Variants in GRM1 observed in about 807,000 individuals in gnomAD.
GRM1 encodes metabotropic glutamate receptor 1.
Under a neutral mutation model 90.9 loss-of-function variants are expected in GRM1, and 33 were observed. The ratio of observed to expected loss-of-function variants is 0.36; its 90% CI spans 0.28 to 0.49. GRM1 has a LOEUF of 0.49. GRM1 is among the 20% of genes least tolerant of loss of function. The pLI is 0.99. For missense variants in GRM1, 1,190 were observed against 1,534.3 expected, an observed-to-expected ratio of 0.78 and a Z score of 3.75; for synonymous variants, 700 against 613.2, an observed-to-expected ratio of 1.14 and a Z score of -2.09.
At chr6:146,109,454 G>A (rs1485108256) in intron 1 of GRM1, among the ~76,000 whole-genome samples, 2 of 152,196 alleles carry the variant, frequency 1.3e-5, no homozygotes, top group Non-Finnish European at 2.9e-5. Context: ...AAGAACTGAG[G>A]TTTGGGAACC....
At chr6:146,317,442 A>C (rs1014800335) in intron 3 of GRM1, among the ~76,000 whole-genome samples, 2 of 152,154 alleles carry the variant, frequency 1.3e-5, no homozygotes, top group Non-Finnish European at 2.9e-5. Context: ...CCCTGGTCAC[A>C]GTTTCTTTGC....
At chr6:146,396,951 A>C (rs938190529) in intron 6 of GRM1, among the ~76,000 whole-genome samples, 1 of 152,194 alleles carries the variant, frequency 6.6e-6, no homozygotes, top group African/African-American at 2.4e-5. Flanking sequence ...GGACAACTAC[A>C]TAAATTCAGC....
intron 2 of GRM1, among the ~76,000 whole-genome samples, chr6:146,204,862 T>C (rs1204527227): frequency 6.6e-6 from 1 of 152,164 alleles, no homozygotes; most frequent in Non-Finnish European, 1.5e-5. Context: ...GCAGGGGCCT[T>C]ATTTTCAGCC....
intron 1 of GRM1, among the ~76,000 whole-genome samples, chr6:146,066,813 T>C (rs1264537304): frequency 6.6e-6 from 1 of 151,936 alleles, no homozygotes; most frequent in Non-Finnish European, 1.5e-5. Context: ...AAATGCATAG[T>C]AAATATGCCT....
intron 1 of GRM1, among the ~76,000 whole-genome samples, chr6:146,116,435 T>C (rs1423359186): frequency 6.6e-6 from 1 of 152,232 alleles, no homozygotes; most frequent in Admixed American, 6.5e-5. Context: ...ATGATCATTA[T>C]ATTTCTAGAA....
At chr6:146,030,248 T>C in intron 1 of GRM1, 31 bp downstream of exon 1, 2 of 1,460,236 alleles carry the variant, frequency 1.4e-6, no homozygotes, top group Non-Finnish European at 1.9e-6. Flanking sequence ...AGAAGGGTAC[T>C]GAGAAAGTCA....
At chr6:146,228,999 T>A (rs1238076608) in intron 2 of GRM1, among the ~76,000 whole-genome samples, 1 of 152,124 alleles carries the variant, frequency 6.6e-6, no homozygotes, top group Non-Finnish European at 1.5e-5. Flanking sequence ...ATTTTTAGTA[T>A]GAGGGTGAGG....
chr6:146,305,500 A>AG (rs1783544522), intron 3 of GRM1, among the ~76,000 whole-genome samples: 1 of 152,146 alleles, frequency 6.6e-6, no homozygotes, highest in Non-Finnish European at 1.5e-5. Context: ...GAAAACTGTA[A>AG]CTTTTATGAG....
chr6:146,047,328 C>A (rs1023057442), intron 1 of GRM1, among the ~76,000 whole-genome samples: 2 of 151,848 alleles, frequency 1.3e-5, no homozygotes, highest in African/African-American at 4.8e-5. Flanking sequence ...TAGAAAGCGA[C>A]ACCTTTGCAA....
At chr6:146,110,316 G>C (rs571158557) in intron 1 of GRM1, among the ~76,000 whole-genome samples, 1 of 152,252 alleles carries the variant, frequency 6.6e-6, no homozygotes, top group Middle Eastern at 3.4e-3. Flanking sequence ...TCTCATGATA[G>C]TGAATGAGTC....
At chr6:146,227,282 C>T (rs905950446) in intron 2 of GRM1, among the ~76,000 whole-genome samples, 8 of 151,946 alleles carry the variant, frequency 5.3e-5, no homozygotes, top group African/African-American at 1.9e-4. Flanking sequence ...TGCTTTCTGG[C>T]CCCACTTTCA....
intron 2 of GRM1, among the ~76,000 whole-genome samples, chr6:146,186,198 G>A (rs1481238411): frequency 1.3e-5 from 2 of 149,942 alleles, no homozygotes; most frequent in African/African-American, 2.5e-5. Context: ...AGCTGGTCTC[G>A]AACTCCTGAC....
chr6:146,323,275 T>C (rs1217169583), intron 3 of GRM1, among the ~76,000 whole-genome samples: 1 of 152,216 alleles, frequency 6.6e-6, no homozygotes, highest in African/African-American at 2.4e-5. Context: ...TTTTAATGAT[T>C]GCCATTCTAA....
intron 7 of GRM1, among the ~76,000 whole-genome samples, chr6:146,406,648 G>A (rs1777358133): frequency 1.3e-5 from 2 of 152,024 alleles, no homozygotes; most frequent in African/African-American, 2.4e-5. Flanking sequence ...GGACAACATG[G>A]CAAATCTCTG....
In GRM1 at chr6:146,434,488, C is replaced by G; in HGVS notation, c.3277C>G (p.Pro1093Ala). ...CTTTGGGGAGGAGCTGGTCTCCCCGCCCGCGGACGACGACGACGACAGCGA... is the reference window on the plus strand; with the variant it reads ...CTTTGGGGAGGAGCTGGTCTCCCCGGCCGCGGACGACGACGACGACAGCGA... Reference protein sequence around the residue: ...STFGEELVSPPADDDDDSERF... With the variant: ...STFGEELVSPAADDDDDSERF... The change falls in exon 8 of 8, where the codon CCC (proline) becomes GCC (alanine). Residue 1093 changes from proline (P) to alanine (A), a missense_variant. Around this residue, in one of 10 missense-constraint regions of GRM1, gnomAD observed 400 missense variants for 360.8 expected, o/e 1.11. Coordinates refer to ENST00000282753, the MANE Select transcript of GRM1 (RefSeq NM_001278064.2). The G allele has an allele frequency of 6.2e-7, 1 of 1,614,066 alleles. No homozygotes were observed. The highest frequency in any genetic ancestry group is 2.2e-5 in the East Asian group (1 of 44,846).
At chr6:146,192,441 G>T (rs1161740576) in intron 2 of GRM1, among the ~76,000 whole-genome samples, 3 of 152,150 alleles carry the variant, frequency 2.0e-5, no homozygotes, top group Non-Finnish European at 4.4e-5. Context: ...AAAACCTCAG[G>T]TTCCTCATAT....
At chr6:146,233,282 T>G (rs1780509037) in intron 2 of GRM1, among the ~76,000 whole-genome samples, 1 of 152,152 alleles carries the variant, frequency 6.6e-6, no homozygotes, top group African/African-American at 2.4e-5. Context: ...CTGCATCCAG[T>G]AGTATGCTAG....
intron 3 of GRM1, among the ~76,000 whole-genome samples, chr6:146,344,349 A>G (rs1785096049): frequency 1.3e-5 from 2 of 152,056 alleles, no homozygotes; most frequent in South Asian, 2.1e-4. Flanking sequence ...TCAGACTGTG[A>G]CCTCTCAAGG....
intron 1 of GRM1, among the ~76,000 whole-genome samples, chr6:146,140,323 G>A (rs1583060652): frequency 6.6e-6 from 1 of 151,966 alleles, no homozygotes; most frequent in East Asian, 1.9e-4. Flanking sequence ...AGGCTGGAGT[G>A]CAGTGCACGA....
Sources: allele counts gnomAD v4.1 joint callset (sites outside exome capture counted in the v4.1 genomes callset), GRCh38; gene constraint gnomAD v4.1.1; regional missense constraint gnomAD v4.1.1; transcripts MANE v1.5; gene names NCBI Gene and HGNC (gene_info 2026-07-23, HGNC 2026-07-21).